GRM5: variants seen among roughly 807,000 people sequenced by gnomAD.
The protein encoded by GRM5 is metabotropic glutamate receptor 5.
GRM5 carries 19 observed loss-of-function variants against 83.1 expected under a neutral mutation model. The ratio of observed to expected loss-of-function variants is 0.23; its 90% CI spans 0.16 to 0.34. The LOEUF (loss-of-function observed/expected upper bound fraction) is 0.34, where lower values mean the gene tolerates loss of function less well. Ranked by LOEUF, GRM5 falls within the 10% of genes least tolerant of loss-of-function variation. The probability of loss-of-function intolerance (pLI) is 1.00; values close to 1 mark genes in which losing one functional copy is unlikely to be tolerated. For synonymous variants in GRM5, 675 were observed against 633.6 expected (o/e 1.07, Z -0.98); for missense variants, 1,160 against 1,588.3 (o/e 0.73, Z 4.58).
At chr11:88,798,879 A>T (rs1943337282) in intron 3 of GRM5, among the ~76,000 whole-genome samples, 1 of 151,392 alleles carries the variant, frequency 6.6e-6, no homozygotes, top group East Asian at 1.9e-4. Context: ...TTTATATGAC[A>T]ATCCAGGGAA....
intron 2 of GRM5, among the ~76,000 whole-genome samples, chr11:88,962,819 G>A (rs754289983): frequency 2.6e-5 from 4 of 152,282 alleles, no homozygotes; most frequent in South Asian, 2.1e-4. Context: ...ATCCCAGCAC[G>A]GTAGTTCACG....
At chr11:88,988,608 GA>G (rs1423706949) in intron 2 of GRM5, among the ~76,000 whole-genome samples, 95 of 150,076 alleles carry the variant, frequency 6.3e-4, no homozygotes, top group African/African-American at 2.3e-3. Flanking sequence ...GGCAGCCAGA[GA>G]GAAAGGTCGG....
At chr11:88,713,708 C>T (rs887651650) in intron 3 of GRM5, among the ~76,000 whole-genome samples, 23 of 151,934 alleles carry the variant, frequency 1.5e-4, no homozygotes, top group African/African-American at 4.8e-4. Context: ...GTGGGAAATA[C>T]ATGTGTTTCT....
intron 3 of GRM5, among the ~76,000 whole-genome samples, chr11:88,753,648 A>G (rs1368481614): frequency 6.6e-6 from 1 of 152,220 alleles, no homozygotes; most frequent in Non-Finnish European, 1.5e-5. Flanking sequence ...CACTATTCAC[A>G]GTAGCAAAGA....
At chr11:88,540,129 C>T (rs996717652) in intron 8 of GRM5, among the ~76,000 whole-genome samples, 1 of 152,152 alleles carries the variant, frequency 6.6e-6, no homozygotes, top group Admixed American at 6.5e-5. Context: ...AAACTAGCCT[C>T]CCCCTTCTAT....
intron 3 of GRM5, among the ~76,000 whole-genome samples, chr11:88,732,861 G>A (rs1199706941): frequency 6.6e-6 from 1 of 151,978 alleles, no homozygotes; most frequent in Non-Finnish European, 1.5e-5. Flanking sequence ...TGGATGTCCT[G>A]TCTTGGCTAT....
chr11:88,528,459 G>T (rs1327824204), intron 8 of GRM5, among the ~76,000 whole-genome samples: 1 of 151,890 alleles, frequency 6.6e-6, no homozygotes, highest in East Asian at 1.9e-4. Context: ...AGATTTAATA[G>T]TCTCAACTGT....
chr11:88,759,825 C>T (rs140464855), intron 3 of GRM5, among the ~76,000 whole-genome samples: 6 of 152,044 alleles, frequency 3.9e-5, no homozygotes, highest in Admixed American at 2.6e-4. Flanking sequence ...CATAATCAGA[C>T]ATAAAACACC....
intron 3 of GRM5, among the ~76,000 whole-genome samples, chr11:88,843,054 T>C (rs1305700427): frequency 6.6e-6 from 1 of 152,218 alleles, no homozygotes; most frequent in Non-Finnish European, 1.5e-5. Flanking sequence ...ATTATGGACA[T>C]GCCTTTTTAT....
intron 3 of GRM5, among the ~76,000 whole-genome samples, chr11:88,828,585 TAAAGA>T (rs964225355): frequency 1.3e-5 from 2 of 152,040 alleles, no homozygotes; most frequent in Admixed American, 6.5e-5. Context: ...CCATAAAAAG[TAAAGA>T]AAAGGATACT....
chr11:88,886,733 T>G (rs1176130883), intron 2 of GRM5, among the ~76,000 whole-genome samples: 1 of 152,170 alleles, frequency 6.6e-6, no homozygotes, highest in Non-Finnish European at 1.5e-5. Context: ...TCTCCAACTT[T>G]TTATCATAAT....
At chr11:89,059,325 G>A (rs963134758) in intron 1 of GRM5, among the ~76,000 whole-genome samples, 12 of 152,158 alleles carry the variant, frequency 7.9e-5, no homozygotes, top group African/African-American at 1.2e-4. Flanking sequence ...TAGCAATTAC[G>A]TATTATTTTG....
chr11:88,882,806 C>G (rs377385565), intron 2 of GRM5, among the ~76,000 whole-genome samples: 1 of 151,994 alleles, frequency 6.6e-6, no homozygotes, highest in Non-Finnish European at 1.5e-5. Flanking sequence ...CAAATTGTAG[C>G]CCAAATAATT....
At chr11:88,971,221 T>A (rs1357064634) in intron 2 of GRM5, among the ~76,000 whole-genome samples, 3 of 152,162 alleles carry the variant, frequency 2.0e-5, no homozygotes, top group African/African-American at 7.2e-5. Context: ...TATAAAAACA[T>A]ATAGATATAC....
At chr11:88,823,705 C>T (rs534975073) in intron 3 of GRM5, among the ~76,000 whole-genome samples, 3 of 152,222 alleles carry the variant, frequency 2.0e-5, no homozygotes, top group African/African-American at 7.2e-5. Flanking sequence ...TTCTGGCTAC[C>T]TGCATTCTAG....
At chr11:88,510,619 C>A (rs567819482) in intron 9 of GRM5, among the ~76,000 whole-genome samples, 1 of 152,292 alleles carries the variant, frequency 6.6e-6, no homozygotes, top group South Asian at 2.1e-4. Context: ...GGGATTCAAG[C>A]GAATCTCCTG....
At chr11:88,668,539 A>G (rs1312051349) in intron 3 of GRM5, among the ~76,000 whole-genome samples, 2 of 152,176 alleles carry the variant, frequency 1.3e-5, no homozygotes, top group African/African-American at 4.8e-5. Context: ...ATAAATATCA[A>G]TGAAAAATCT....
chr11:88,602,402 C>T (rs1253125765), intron 5 of GRM5, among the ~76,000 whole-genome samples: 1 of 152,076 alleles, frequency 6.6e-6, no homozygotes, highest in Non-Finnish European at 1.5e-5. Flanking sequence ...ATGATTAAAA[C>T]GTGCTAACAG....
intron 9 of GRM5, chr11:88,511,881 T>C (rs1276964027): frequency 6.6e-6 from 1 of 152,168 alleles, no homozygotes; most frequent in Non-Finnish European, 1.5e-5. Context: ...TTTCGAAAGG[T>C]ACAAGTATTA....
Sources: allele counts gnomAD v4.1 joint callset (sites outside exome capture counted in the v4.1 genomes callset), GRCh38; gene constraint gnomAD v4.1.1; transcripts MANE v1.5; gene names NCBI Gene and HGNC (gene_info 2026-07-23, HGNC 2026-07-21).